Variants in SAMD5 observed in about 807,000 individuals in gnomAD.
The protein encoded by SAMD5 is sterile alpha motif domain containing 5.
In SAMD5, 13 loss-of-function variants were observed where a neutral mutation model predicts 11.3. The ratio of observed to expected loss-of-function variants is 1.15; its 90% CI spans 0.75 to 1.83. The LOEUF (loss-of-function observed/expected upper bound fraction) is 1.83, where lower values mean the gene tolerates loss of function less well. SAMD5 is among the 40% of genes most tolerant of loss of function. The probability of loss-of-function intolerance (pLI) is 0.00; values close to 1 mark genes in which losing one functional copy is unlikely to be tolerated. For missense variants in SAMD5, 255 were observed against 239.1 expected, an observed-to-expected ratio of 1.07 and a Z score of -0.44; for synonymous variants, 129 against 111.3, an observed-to-expected ratio of 1.16 and a Z score of -1.00.
At chr6:147,908,614 A>G in the SAMD5 span, among the ~76,000 whole-genome samples, 6 of 152,220 alleles carry the variant, frequency 3.9e-5, no homozygotes, top group African/African-American at 1.4e-4. Flanking sequence ...GGGAAAGAGA[A>G]CAACTATATG....
Position 147,567,138 on chromosome 6 carries a change from G to T in SAMD5, c.*2682G>T. 1.6e-5 allele frequency: 16 copies of T among 984,250 alleles called. No individual in the cohort carries two copies. Among genetic ancestry groups the T allele is most frequent in the Non-Finnish European group, 1.9e-5 (16 of 828,900 alleles). 61.0% of individuals were successfully genotyped at this position (984,250 alleles called of 1,614,324 possible). The stretch of plus-strand genomic sequence containing the variant: ...TTAGTTCATCTTAAAATTTAGGGAG[G>T]TAAAAAAAGATTTTATTCACATAAA... On this transcript the variant is annotated 3_prime_UTR_variant, in exon 2 of 2. Coordinates refer to ENST00000367474, the MANE Select transcript of SAMD5 (RefSeq NM_001030060.3).
At chr6:147,707,807 T>G (rs1237095190) in intron 1 of SAMD5, among the ~76,000 whole-genome samples, 1 of 152,110 alleles carries the variant, frequency 6.6e-6, no homozygotes, top group African/African-American at 2.4e-5. Flanking sequence ...TCCTTGCCTC[T>G]GGTGGAAAAG....
chr6:147,907,758 T>C, the SAMD5 span, among the ~76,000 whole-genome samples: 2 of 152,172 alleles, frequency 1.3e-5, no homozygotes, highest in Non-Finnish European at 2.9e-5. Flanking sequence ...AAAATGCAGA[T>C]ATTCCCAAGA....
intron 1 of SAMD5, among the ~76,000 whole-genome samples, chr6:147,597,986 G>C (rs1260750256): frequency 6.6e-6 from 1 of 152,114 alleles, no homozygotes; most frequent in African/African-American, 2.4e-5. Flanking sequence ...CTCCTTCCTG[G>C]TGCCATGCTA....
At chr6:147,799,384 T>C in the SAMD5 span, among the ~76,000 whole-genome samples, 107 of 152,198 alleles carry the variant, frequency 7.0e-4, no homozygotes, top group Middle Eastern at 3.4e-3. Context: ...TTTAAAAATG[T>C]TGAATATTGG....
At chr6:147,515,662 G>T (rs1318329270) in intron 1 of SAMD5, among the ~76,000 whole-genome samples, 1 of 151,598 alleles carries the variant, frequency 6.6e-6, no homozygotes, top group Non-Finnish European at 1.5e-5. Context: ...ACATGCCCAT[G>T]TGCTAGGCTT....
intron 1 of SAMD5, among the ~76,000 whole-genome samples, chr6:147,688,613 C>G (rs1356396642): frequency 6.6e-6 from 1 of 152,118 alleles, no homozygotes; most frequent in Non-Finnish European, 1.5e-5. Flanking sequence ...TTTTGTTATT[C>G]TTGGTTTTTA....
downstream of SAMD5, among the ~76,000 whole-genome samples, chr6:147,570,217 C>T (rs1470295165): frequency 2.6e-5 from 4 of 152,206 alleles, no homozygotes; most frequent in East Asian, 7.7e-4. Context: ...ATCCATCTTA[C>T]GAGCTGGGAT....
intron 1 of SAMD5, among the ~76,000 whole-genome samples, chr6:147,556,179 G>A (rs1049753827): frequency 4.6e-4 from 70 of 151,780 alleles, no homozygotes; most frequent in African/African-American, 1.6e-3. Flanking sequence ...TGAAAGCTCC[G>A]CCTCTTGGGC....
intron 1 of SAMD5, among the ~76,000 whole-genome samples, chr6:147,735,678 A>C (rs1454153205): frequency 1.3e-5 from 2 of 151,606 alleles, no homozygotes; most frequent in East Asian, 3.9e-4. Flanking sequence ...ACATCAGTCT[A>C]TTCTTTTCCA....
At chr6:147,789,078 T>G in the SAMD5 span, among the ~76,000 whole-genome samples, 1 of 141,204 alleles carries the variant, frequency 7.1e-6, no homozygotes, top group Non-Finnish European at 1.5e-5. Context: ...AGGGAGACTG[T>G]CTCAAAAAAC....
the SAMD5 span, among the ~76,000 whole-genome samples, chr6:147,780,490 G>A: frequency 6.6e-6 from 1 of 152,186 alleles, no homozygotes; most frequent in Non-Finnish European, 1.5e-5. Context: ...TTACAGGCGT[G>A]AGCCACTGCA....
chr6:147,685,360 G>C (rs955380435), intron 1 of SAMD5, among the ~76,000 whole-genome samples: 1 of 152,062 alleles, frequency 6.6e-6, no homozygotes, highest in Non-Finnish European at 1.5e-5. Context: ...TTTTAGTAGA[G>C]ACAGGATTTC....
intron 1 of SAMD5, among the ~76,000 whole-genome samples, chr6:147,670,056 G>A (rs1395530920): frequency 1.3e-5 from 2 of 152,200 alleles, no homozygotes; most frequent in Admixed American, 6.5e-5. Flanking sequence ...TCCATGGGCT[G>A]CAGGAAGGAT....
chr6:147,761,628 C>T, the SAMD5 span, among the ~76,000 whole-genome samples: 18 of 152,100 alleles, frequency 1.2e-4, no homozygotes, highest in Non-Finnish European at 2.5e-4. Context: ...TACAAATGTG[C>T]TGGATTCTAA....
intron 1 of SAMD5, among the ~76,000 whole-genome samples, chr6:147,642,668 T>G (rs1790330688): frequency 6.6e-6 from 1 of 152,218 alleles, no homozygotes; most frequent in Non-Finnish European, 1.5e-5. Context: ...AGTGTTTTAT[T>G]GAAACATCAA....
chr6:147,924,510 T>A, the SAMD5 span, among the ~76,000 whole-genome samples: 1 of 152,130 alleles, frequency 6.6e-6, no homozygotes, highest in East Asian at 1.9e-4. Context: ...CTGAAAATTT[T>A]AAATTTTAAA....
At chr6:147,761,575 T>C in the SAMD5 span, among the ~76,000 whole-genome samples, 7 of 152,298 alleles carry the variant, frequency 4.6e-5, no homozygotes, top group East Asian at 1.9e-4. Flanking sequence ...TCAAAACTTA[T>C]ATGCTAACTT....
intron 1 of SAMD5, among the ~76,000 whole-genome samples, chr6:147,588,507 G>T (rs1009521202): frequency 1.3e-5 from 2 of 151,798 alleles, no homozygotes; most frequent in African/African-American, 2.4e-5. Context: ...TGCATTTTTA[G>T]TAGAGACAGG....
Sources: allele counts gnomAD v4.1 joint callset (sites outside exome capture counted in the v4.1 genomes callset), GRCh38; gene constraint gnomAD v4.1.1; transcripts MANE v1.5; gene names NCBI Gene and HGNC (gene_info 2026-07-23, HGNC 2026-07-21).